The following FAT3 variants were observed in gnomAD, a reference collection of about 807,000 sequenced individuals.
The protein encoded by FAT3 is protocadherin Fat 3.
A neutral mutation model predicts 310.2 loss-of-function variants in FAT3; 95 were observed. The observed-to-expected ratio is 0.31, with a 90% CI of 0.26 to 0.36. The LOEUF is 0.36. FAT3 is among the 10% of genes least tolerant of loss of function. The pLI is 1.00. For synonymous variants in FAT3, 2,314 were observed against 2,192.9 expected, an observed-to-expected ratio of 1.06 and a Z score of -1.54; for missense variants, 5,408 against 5,715.6, an observed-to-expected ratio of 0.95 and a Z score of 1.74.
chr11:92,748,298 A>T (rs928453148), intron 4 of FAT3, among the ~76,000 whole-genome samples: 16 of 152,296 alleles, frequency 1.1e-4, no homozygotes, highest in African/African-American at 3.8e-4. Context: ...CCAGGAGAAC[A>T]GTATGGGGAA....
chr11:92,371,874 C>T (rs1310891467), intron 2 of FAT3, among the ~76,000 whole-genome samples: 1 of 152,150 alleles, frequency 6.6e-6, no homozygotes, highest in Non-Finnish European at 1.5e-5. Context: ...GGAAAAGTTA[C>T]AGTACATGCT....
intron 1 of FAT3, among the ~76,000 whole-genome samples, chr11:92,253,750 T>C (rs571113838): frequency 6.6e-6 from 1 of 152,290 alleles, no homozygotes; most frequent in South Asian, 2.1e-4. Context: ...GTCATATTTT[T>C]TCTCCCTAGT....
At chr11:92,444,664 G>C (rs537818868) in intron 2 of FAT3, among the ~76,000 whole-genome samples, 2,692 of 138,848 alleles carry the variant, frequency 0.019, 65 homozygotes, top group Non-Finnish European at 0.031. Flanking sequence ...ATTACTGGGG[G>C]GGGGGGAAAA....
intron 3 of FAT3, among the ~76,000 whole-genome samples, chr11:92,687,046 G>A (rs1018320786): frequency 2.6e-5 from 4 of 152,116 alleles, no homozygotes; most frequent in African/African-American, 9.7e-5. Flanking sequence ...TTTGGGGGTT[G>A]AACAATCCAG....
chr11:92,252,736 G>A (rs1399720886), intron 1 of FAT3, among the ~76,000 whole-genome samples: 1 of 152,104 alleles, frequency 6.6e-6, no homozygotes, highest in Non-Finnish European at 1.5e-5. Context: ...TGCTGGCTGT[G>A]CATCAGAATC....
chr11:92,295,803 G>A (rs1946833022), intron 1 of FAT3, among the ~76,000 whole-genome samples: 1 of 152,014 alleles, frequency 6.6e-6, no homozygotes, highest in South Asian at 2.1e-4. Flanking sequence ...ACACAACAAT[G>A]TTCATTCTTG....
intron 2 of FAT3, among the ~76,000 whole-genome samples, chr11:92,499,656 T>C (rs951578269): frequency 6.6e-6 from 1 of 152,004 alleles, no homozygotes; most frequent in Non-Finnish European, 1.5e-5. Flanking sequence ...GGCTATGTTG[T>C]TCACAGTGTC....
intron 2 of FAT3, among the ~76,000 whole-genome samples, chr11:92,447,222 CGTGTGTGTGT>C (rs34833885): frequency 2.9e-4 from 42 of 146,398 alleles, no homozygotes; most frequent in South Asian, 2.0e-3. Context: ...TATATGTGTG[CGTGTGTGTGT>C]GTGTGTGTGT....
Position 92,844,362 on chromosome 11 carries a change from C to T in FAT3, c.10995C>T (p.His3665=). Residue 3665 remains histidine (H), a synonymous_variant, in exon 19 of 28, where the codon CAC becomes CAT. Coordinates refer to ENST00000525166, the MANE Select transcript of FAT3 (RefSeq NM_001367949.2). ...NVSPEDFVGL[H]MHGFRRTLRN... is the part of the protein sequence containing the mutation. ...CCCCTGAGGACTTCGTGGGGCTGCA[C>T]ATGCATGGGTTCCGGCGCACCCTGC... 1 of 1,613,960 alleles carries T rather than the reference C, an allele frequency of 6.2e-7. No homozygotes were observed. Among genetic ancestry groups the T allele is most frequent in the South Asian group, 1.1e-5 (1 of 91,084 alleles).
chr11:92,896,192 C>A lies in FAT3; in HGVS notation c.*5079C>A, dbSNP rs1325045341. 6.6e-6 allele frequency: 1 copy of A among 151,820 alleles called. No individual in the cohort carries two copies. Among genetic ancestry groups the A allele is most frequent in the African/African-American group, 2.4e-5 (1 of 41,288 alleles). The allele number at this position is 151,820 out of a possible 1,614,324, so 9.4% of individuals were successfully genotyped here. ...CTCAACTTGCACACACATCACACAC[C>A]AAACCTTATGCAAAGGGGAAAGCTA... On this transcript the variant is annotated 3_prime_UTR_variant, in exon 28 of 28. Coordinates refer to ENST00000525166, the MANE Select transcript of FAT3 (RefSeq NM_001367949.2).
chr11:92,850,563 A>G (rs1488366974), intron 19 of FAT3, among the ~76,000 whole-genome samples: 1 of 152,206 alleles, frequency 6.6e-6, no homozygotes, highest in Admixed American at 6.5e-5. Flanking sequence ...CTCACAGGCC[A>G]TGAATTAAGA....
intron 3 of FAT3, among the ~76,000 whole-genome samples, chr11:92,616,502 G>A (rs1412525099): frequency 6.6e-6 from 1 of 152,140 alleles, no homozygotes; most frequent in Non-Finnish European, 1.5e-5. Context: ...TGTTATGTGT[G>A]AATTTGATCC....
chr11:92,287,402 G>A (rs1295742443), intron 1 of FAT3, among the ~76,000 whole-genome samples: 1 of 152,110 alleles, frequency 6.6e-6, no homozygotes, highest in Non-Finnish European at 1.5e-5. Context: ...GGCAGTAAAT[G>A]TGCAGTGCAG....
chr11:92,816,512 A>G (rs531774865), intron 13 of FAT3, among the ~76,000 whole-genome samples: 1 of 152,294 alleles, frequency 6.6e-6, no homozygotes, highest in South Asian at 2.1e-4. Flanking sequence ...GCAGGGACAC[A>G]TAGGGGAGGA....
chr11:92,547,639 C>T (rs931526286), intron 3 of FAT3, among the ~76,000 whole-genome samples: 4 of 152,080 alleles, frequency 2.6e-5, no homozygotes, highest in Admixed American at 2.6e-4. Context: ...CTCCCCTTCT[C>T]ACCCCCAGCT....
chr11:92,429,998 C>T (rs1950730313), intron 2 of FAT3, among the ~76,000 whole-genome samples: 2 of 152,324 alleles, frequency 1.3e-5, no homozygotes, highest in South Asian at 4.1e-4. Flanking sequence ...TTCTCCCCAT[C>T]ACTTTCAGGT....
intron 10 of FAT3, among the ~76,000 whole-genome samples, chr11:92,804,791 G>A (rs1947457042): frequency 6.6e-6 from 1 of 152,202 alleles, no homozygotes; most frequent in African/African-American, 2.4e-5. Context: ...GAGCTAGAGT[G>A]TATTACATCC....
intron 3 of FAT3, among the ~76,000 whole-genome samples, chr11:92,656,000 A>G (rs1007537303): frequency 6.6e-6 from 1 of 152,136 alleles, no homozygotes; most frequent in African/African-American, 2.4e-5. Context: ...CCATTGCCAC[A>G]TTTCACAGGG....
At chr11:92,728,934 G>A (rs577522556) in intron 4 of FAT3, among the ~76,000 whole-genome samples, 21 of 152,164 alleles carry the variant, frequency 1.4e-4, no homozygotes, top group African/African-American at 4.3e-4. Context: ...TAACTTAATC[G>A]CATTTGCAAA....
Sources: allele counts gnomAD v4.1 joint callset (sites outside exome capture counted in the v4.1 genomes callset), GRCh38; gene constraint gnomAD v4.1.1; transcripts MANE v1.5; gene names NCBI Gene and HGNC (gene_info 2026-07-23, HGNC 2026-07-21).